Variants in AGPAT5 observed in about 807,000 individuals in gnomAD.
AGPAT5 encodes the protein 1-acylglycerol-3-phosphate O-acyltransferase 5, also known as 1-acyl-sn-glycerol-3-phosphate acyltransferase epsilon.
A neutral mutation model predicts 45.6 loss-of-function variants in AGPAT5; 46 were observed. The observed-to-expected ratio is 1.01, with a 90% CI of 0.80 to 1.29. The LOEUF (loss-of-function observed/expected upper bound fraction) is 1.29. Among genes scored for constraint, AGPAT5 ranks in the 50% most tolerant of loss-of-function variants. The pLI is 0.00. For missense variants in AGPAT5, 673 were observed against 450.7 expected, an observed-to-expected ratio of 1.49 and a Z score of -4.47; for synonymous variants, 272 against 167.0, an observed-to-expected ratio of 1.63 and a Z score of -4.85.
chr8:6,723,674 C>G (rs1251876125), intron 1 of AGPAT5, among the ~76,000 whole-genome samples: 2 of 152,212 alleles, frequency 1.3e-5, no homozygotes, highest in East Asian at 1.9e-4. Flanking sequence ...CATCGATAAA[C>G]TTTATGAATA....
At position 6,759,946 on chromosome 8, in the gene AGPAT5, A is replaced by G. The variant is rs576235393; in HGVS notation, c.*2558A>G. ...CAGTGAAACATGTCAAATGCCTTAA[A>G]TTAACTAAGTTGGTGAATAAAAGTG... On this transcript the variant is annotated 3_prime_UTR_variant, in exon 8 of 8. Transcript: ENST00000285518. Among the ~76,000 whole-genome samples the G allele has an allele frequency of 2.6e-5, 4 of 152,362 alleles. No individual in the cohort carries two copies. Among genetic ancestry groups the G allele is most frequent in the African/African-American group, 9.6e-5 (4 of 41,588 alleles).
intron 5 of AGPAT5, 30 bp from the exon 6 acceptor site, chr8:6,747,640 A>G (rs1563304099): frequency 6.3e-7 from 1 of 1,592,608 alleles, no homozygotes; most frequent in Non-Finnish European, 8.6e-7. Context: ...TTTTGTAACT[A>G]ATTAATGACG....
chr8:6,750,401 T>C (rs1261089124), intron 6 of AGPAT5, among the ~76,000 whole-genome samples: 1 of 152,202 alleles, frequency 6.6e-6, no homozygotes, highest in East Asian at 1.9e-4. Context: ...ACAAATTGTC[T>C]CCTTTTGAAA....
At chr8:6,753,465 G>T (rs922321544) in intron 6 of AGPAT5, among the ~76,000 whole-genome samples, 2 of 152,144 alleles carry the variant, frequency 1.3e-5, no homozygotes, top group Non-Finnish European at 2.9e-5. Context: ...AATAAGATAG[G>T]GTGAGAAGTA....
intron 1 of AGPAT5, among the ~76,000 whole-genome samples, chr8:6,710,637 A>G (rs1450638992): frequency 6.6e-6 from 1 of 152,208 alleles, no homozygotes; most frequent in Non-Finnish European, 1.5e-5. Flanking sequence ...TCTGTTTAGT[A>G]ACAGAGCAGG....
At chr8:6,731,163 A>G (rs1352497334) in intron 3 of AGPAT5, among the ~76,000 whole-genome samples, 1 of 152,190 alleles carries the variant, frequency 6.6e-6, no homozygotes, top group Non-Finnish European at 1.5e-5. Flanking sequence ...ACCCAACCCT[A>G]TAAAAATGTT....
intron 4 of AGPAT5, among the ~76,000 whole-genome samples, chr8:6,736,230 T>C (rs1801050206): frequency 6.6e-6 from 1 of 152,212 alleles, no homozygotes. Flanking sequence ...GAAATAAACA[T>C]TGGTACCACA....
intron 1 of AGPAT5, among the ~76,000 whole-genome samples, chr8:6,713,903 C>T (rs1047034887): frequency 6.6e-6 from 1 of 152,192 alleles, no homozygotes; most frequent in Non-Finnish European, 1.5e-5. Flanking sequence ...ATCTAGAGAA[C>T]ATTTATAACT....
intron 6 of AGPAT5, among the ~76,000 whole-genome samples, chr8:6,748,891 A>T (rs367657834): frequency 1.3e-5 from 2 of 152,208 alleles, no homozygotes; most frequent in South Asian, 4.1e-4. Flanking sequence ...CACGTTTTAC[A>T]TGGAAACCCT....
At chr8:6,737,237 T>C (rs1801085219) in intron 4 of AGPAT5, among the ~76,000 whole-genome samples, 1 of 152,312 alleles carries the variant, frequency 6.6e-6, no homozygotes, top group East Asian at 1.9e-4. Context: ...AGAATCTGGA[T>C]GGTTGTTTCA....
At chr8:6,748,607 C>T (rs971307600) in intron 6 of AGPAT5, among the ~76,000 whole-genome samples, 2 of 152,170 alleles carry the variant, frequency 1.3e-5, no homozygotes, top group Non-Finnish European at 2.9e-5. Flanking sequence ...CACGTTCACA[C>T]GATTCTCCTG....
chr8:6,725,249 T>C (rs1800646918), intron 2 of AGPAT5, among the ~76,000 whole-genome samples: 1 of 152,244 alleles, frequency 6.6e-6, no homozygotes, highest in African/African-American at 2.4e-5. Context: ...GTGATGTTTC[T>C]AGAAGTAGCA....
At chr8:6,741,567 C>A in intron 4 of AGPAT5, 94 bp from the exon 5 acceptor site, 1 of 785,572 alleles carries the variant, frequency 1.3e-6, no homozygotes, top group South Asian at 1.9e-5. Context: ...GTAGGAAATA[C>A]TCTGTTAGCA....
chr8:6,713,751 G>A (rs566527519), intron 1 of AGPAT5, among the ~76,000 whole-genome samples: 10 of 152,046 alleles, frequency 6.6e-5, no homozygotes, highest in Non-Finnish European at 1.0e-4. Flanking sequence ...AGTGGGGGTA[G>A]AGACGAGATT....
At chr8:6,733,213 G>A (rs754103942) in intron 4 of AGPAT5, among the ~76,000 whole-genome samples, 10 of 152,156 alleles carry the variant, frequency 6.6e-5, no homozygotes, top group Admixed American at 2.0e-4. Context: ...GGTTCCCTCC[G>A]GAGACAAAGC....
At chr8:6,724,170 A>C (rs933454538) in intron 1 of AGPAT5, among the ~76,000 whole-genome samples, 1 of 152,180 alleles carries the variant, frequency 6.6e-6, no homozygotes, top group African/African-American at 2.4e-5. Context: ...TTTCTCTCAT[A>C]CTTACAGAAT....
intron 1 of AGPAT5, among the ~76,000 whole-genome samples, chr8:6,719,454 C>G (rs1800430915): frequency 6.6e-6 from 1 of 152,184 alleles, no homozygotes; most frequent in Admixed American, 6.5e-5. Flanking sequence ...ACAATTCCCA[C>G]CCGGAACAGG....
rs1043429769 is a variant in AGPAT5 at position 6,758,503 on chromosome 8, G to A, written c.*1115G>A. ...CCAGCCTGTGCTGCCCACTTTCAGA[G>A]TTGAACTCTTTAAGCCCTTGTGAGT... On this transcript the variant is annotated 3_prime_UTR_variant, in exon 8 of 8. Transcript: ENST00000285518. 3 of 152,446 alleles carry A rather than the reference G, an allele frequency of 2.0e-5. No homozygotes were observed. Among genetic ancestry groups the A allele is most frequent in the African/African-American group, 4.8e-5 (2 of 41,424 alleles). 9.4% of individuals were successfully genotyped at this position (152,446 alleles called of 1,614,324 possible).
At chr8:6,740,263 T>G (rs1014144254) in intron 4 of AGPAT5, among the ~76,000 whole-genome samples, 3 of 152,044 alleles carry the variant, frequency 2.0e-5, no homozygotes, top group African/African-American at 7.2e-5. Context: ...CTTTCATGGC[T>G]TTGAATATAA....
Sources: allele counts gnomAD v4.1 joint callset (sites outside exome capture counted in the v4.1 genomes callset), GRCh38; gene constraint gnomAD v4.1.1; transcripts MANE v1.5; gene names NCBI Gene and HGNC (gene_info 2026-07-23, HGNC 2026-07-21).